The following NR6A1 variants were observed in gnomAD, a reference collection of about 807,000 sequenced individuals.
The protein encoded by NR6A1 is nuclear receptor subfamily 6 group A member 1.
Under a neutral mutation model 59.1 loss-of-function variants are expected in NR6A1, and 7 were observed. The ratio of observed to expected loss-of-function variants is 0.12; its 90% CI spans 0.07 to 0.22. The LOEUF (loss-of-function observed/expected upper bound fraction) is 0.22. NR6A1 is among the 10% of genes least tolerant of loss of function. NR6A1 has a pLI of 1.00. For missense variants in NR6A1, 468 were observed against 611.6 expected (o/e 0.77, Z 2.48); for synonymous variants, 243 against 236.1 (o/e 1.03, Z -0.27).
Position 124,656,499 on chromosome 9 carries a change from T to C in NR6A1, c.142+76809A>G, listed in dbSNP as rs578000194. On this transcript the variant is annotated intron_variant, in intron 2 of 9. Transcript: ENST00000487099. The stretch of plus-strand genomic sequence containing the variant: ...TGTCAAAAGGGAACACATCTTGTAT[T>C]ATTCCACTTATATGAGGTATCTAGA... 5.9e-5 allele frequency among the ~76,000 whole-genome samples: 9 copies of C among 152,278 alleles called. No individual in the cohort carries two copies. In the South Asian group the frequency reaches 1.0e-3, roughly 18 times the overall value.
chr9:124,623,953 T>A, intron 2 of NR6A1, among the ~76,000 whole-genome samples: 1 of 152,238 alleles, frequency 6.6e-6, no homozygotes, highest in Non-Finnish European at 1.5e-5. Flanking sequence ...GTTAACTGTT[T>A]TACATGTATC....
intron 2 of NR6A1, among the ~76,000 whole-genome samples, chr9:124,645,779 A>G (rs2130911083): frequency 6.6e-6 from 1 of 152,324 alleles, no homozygotes; most frequent in East Asian, 1.9e-4. Flanking sequence ...TATAACTGAC[A>G]CCTATAGAAT....
chr9:124,615,259 CAGTA>C lies in NR6A1; in HGVS notation c.143-60693_143-60690del, dbSNP rs543098508. On this transcript the variant is annotated intron_variant, in intron 2 of 9. Transcript: ENST00000487099. ...AGCAAAATGGGTAGGATGCTTTTTA[CAGTA>C]AGTGTTTCACAACTAGTCATAATGA... Among the ~76,000 whole-genome samples, 198 of 152,242 alleles carry C rather than the reference CAGTA, an allele frequency of 1.3e-3. 1 individual carries two copies. The highest frequency in any genetic ancestry group is 4.1e-3 in the South Asian group (20 of 4,822).
chr9:124,630,006 A>G (rs1433233360), intron 2 of NR6A1, among the ~76,000 whole-genome samples: 1 of 152,202 alleles, frequency 6.6e-6, no homozygotes, highest in Non-Finnish European at 1.5e-5. Context: ...GTAGTAATAA[A>G]CCACGTTGCC....
intron 3 of NR6A1, 144 bp from the exon 4 acceptor site, chr9:124,544,001 C>T (rs148398833): frequency 2.9e-6 from 2 of 693,024 alleles, no homozygotes; most frequent in East Asian, 5.4e-5. Context: ...GGATCCAAAG[C>T]ACACAATTCT....
chr9:124,533,220 A>G (rs1002513914), intron 7 of NR6A1, among the ~76,000 whole-genome samples: 2 of 152,248 alleles, frequency 1.3e-5, no homozygotes, highest in Non-Finnish European at 2.9e-5. Context: ...AAACCCTGAC[A>G]GCATCAGAGC....
intron 1 of NR6A1, among the ~76,000 whole-genome samples, chr9:124,750,678 T>C (rs1448392661): frequency 1.3e-5 from 2 of 151,984 alleles, no homozygotes; most frequent in Admixed American, 1.3e-4. Flanking sequence ...GAGAATGGCG[T>C]GAACCCAGGA....
At chr9:124,544,879 T>A (rs1022351490) in intron 3 of NR6A1, among the ~76,000 whole-genome samples, 10 of 152,162 alleles carry the variant, frequency 6.6e-5, no homozygotes, top group South Asian at 2.1e-4. Context: ...TTGGGATTTT[T>A]AAAAAATCTT....
At chr9:124,596,198 A>G (rs1835266790) in intron 2 of NR6A1, among the ~76,000 whole-genome samples, 1 of 152,080 alleles carries the variant, frequency 6.6e-6, no homozygotes, top group African/African-American at 2.4e-5. Flanking sequence ...TTCAAGAACT[A>G]TTCTATGCTA....
chr9:124,614,785 T>A (rs1258630424), intron 2 of NR6A1, among the ~76,000 whole-genome samples: 1 of 152,170 alleles, frequency 6.6e-6, no homozygotes, highest in African/African-American at 2.4e-5. Flanking sequence ...TTTTCTTTTT[T>A]TGTTGGTGCT....
chr9:124,620,809 T>TAA (rs796981815), intron 2 of NR6A1, among the ~76,000 whole-genome samples: 3 of 140,526 alleles, frequency 2.1e-5, no homozygotes, highest in Admixed American at 1.4e-4. Flanking sequence ...TCTCATTGTT[T>TAA]AAAAAAAAAA....
chr9:124,770,968 G>C, intron 1 of NR6A1, 52 bp downstream of exon 1: 3 of 1,015,028 alleles, frequency 3.0e-6, no homozygotes, highest in Non-Finnish European at 3.8e-6. Context: ...CCTGGCGGAG[G>C]CTCAGGAAGC....
intron 2 of NR6A1, chr9:124,693,927 G>A (rs1047807955): frequency 9.2e-6 from 3 of 325,972 alleles, no homozygotes; most frequent in Non-Finnish European, 1.9e-5. Flanking sequence ...CTAACATGGA[G>A]TAAGTTCTCT....
chr9:124,555,417 A>G (rs1356270226), intron 2 of NR6A1, among the ~76,000 whole-genome samples: 1 of 152,176 alleles, frequency 6.6e-6, no homozygotes, highest in East Asian at 1.9e-4. Context: ...AGATATTTCA[A>G]CCTCACTCCT....
At chr9:124,587,120 C>G (rs1050148079) in intron 2 of NR6A1, among the ~76,000 whole-genome samples, 9 of 152,228 alleles carry the variant, frequency 5.9e-5, no homozygotes, top group African/African-American at 2.2e-4. Flanking sequence ...GCAGCAAGAT[C>G]TCACAGCAGC....
intron 1 of NR6A1, among the ~76,000 whole-genome samples, chr9:124,764,158 T>C (rs1840860187): frequency 6.7e-6 from 1 of 148,506 alleles, no homozygotes; most frequent in Non-Finnish European, 1.5e-5. Context: ...CACTCCAGCC[T>C]GGGCAACAGA....
At position 124,568,169 on chromosome 9, in the gene NR6A1, C is replaced by CAAAAAA. The variant is rs34652433; in HGVS notation, c.143-13605_143-13600dup. Among the ~76,000 whole-genome samples the CAAAAAA allele has an allele frequency of 1.2e-3, 36 of 30,450 alleles. 3 individuals are homozygous for CAAAAAA. The highest frequency in any genetic ancestry group is 3.5e-3 in the African/African-American group (33 of 9,502). The allele number at this position is 30,450 out of a possible 152,430, so 20.0% of individuals were successfully genotyped here. A position where few individuals can be genotyped will look rare whatever the true frequency, so the allele number is the denominator to read the frequency against. ...AGCCTGGCAGAGCAATACTTCATCTCAAAAAAAAAAAAAAAAAAAAAAAAA... is the reference window on the plus strand; with the variant it reads ...AGCCTGGCAGAGCAATACTTCATCTCAAAAAAAAAAAAAAAAAAAAAAAAAAAAAAA... On this transcript the variant is annotated intron_variant, in intron 2 of 9. Transcript: ENST00000487099.
chr9:124,629,420 T>A (rs1342862781), intron 2 of NR6A1, among the ~76,000 whole-genome samples: 1 of 152,182 alleles, frequency 6.6e-6, no homozygotes, highest in Non-Finnish European at 1.5e-5. Flanking sequence ...TTCTTCTTCA[T>A]CTTGATCACT....
At chr9:124,653,792 A>C (rs1837171113) in intron 2 of NR6A1, among the ~76,000 whole-genome samples, 1 of 152,240 alleles carries the variant, frequency 6.6e-6, no homozygotes, top group Non-Finnish European at 1.5e-5. Context: ...GAGTCAGAAT[A>C]GCTGAATACA....
Sources: gnomAD v4.1 joint callset for allele counts (sites outside exome capture counted in the v4.1 genomes callset) on GRCh38, gnomAD v4.1.1 for gene constraint, MANE v1.5 for transcripts, NCBI Gene and HGNC (gene_info 2026-07-23, HGNC 2026-07-21) for gene names.